The following C7orf25 variants were observed in gnomAD, a reference collection of about 807,000 sequenced individuals.
The protein encoded by C7orf25 is chromosome 7 open reading frame 25.
In C7orf25, 14 loss-of-function variants were observed where a neutral mutation model predicts 25.5. That is an observed-to-expected ratio of 0.55 (90% CI 0.36 to 0.86). The LOEUF (loss-of-function observed/expected upper bound fraction) is 0.86, where lower values mean the gene tolerates loss of function less well. C7orf25 is among the 40% of genes least tolerant of loss of function. The pLI is 0.01. For missense variants in C7orf25, 405 were observed against 493.9 expected (o/e 0.82, Z 1.71); for synonymous variants, 184 against 179.9 (o/e 1.02, Z -0.18).
In C7orf25 at chr7:42,910,670, T is replaced by G. The variant is rs771187057; in HGVS notation, c.231A>C (p.Glu77Asp). The change falls in exon 2 of 2, where the codon GAA becomes GAC. Residue 77 changes from glutamate to aspartate, a missense_variant. Transcript: ENST00000350427. ...CAACTTCTTCCAGGTTTTCTGCTGATTCCACAATGGCTCTCAGGTGTGTTA... is the reference window on the plus strand; with the variant it reads ...CAACTTCTTCCAGGTTTTCTGCTGAGTCCACAATGGCTCTCAGGTGTGTTA... ...TNLTHLRAIV[E>D]SAENLEEVVS... The G allele has an allele frequency of 6.3e-5, 102 of 1,614,056 alleles. No individual in the cohort carries two copies. Among genetic ancestry groups the G allele is most frequent in the Non-Finnish European group, 8.0e-5 (94 of 1,180,048 alleles).
chr7:42,909,351 T>C lies in C7orf25; in HGVS notation c.*284A>G. 6.1e-6 allele frequency: 2 copies of C among 329,782 alleles called. No homozygotes were observed. The highest frequency in any genetic ancestry group is 1.1e-5 in the Non-Finnish European group (2 of 181,852). The allele number at this position is 329,782 out of a possible 1,614,324, so 20.4% of individuals were successfully genotyped here. Reference sequence around the variant, plus strand: ...AATGTGGTTAGCAGTAGGGGAGTTGTAGCCCTATCGAATCAAAGTATTACA... The same window carrying C: ...AATGTGGTTAGCAGTAGGGGAGTTGCAGCCCTATCGAATCAAAGTATTACA... On this transcript the variant is annotated 3_prime_UTR_variant, in exon 2 of 2. Coordinates refer to ENST00000350427, the MANE Select transcript of C7orf25 (RefSeq NM_001099858.2).
chr7:42,911,798 G>A, intron 1 of C7orf25, 117 bp downstream of exon 1: 1 of 1,280,408 alleles, frequency 7.8e-7, no homozygotes, highest in Non-Finnish European at 9.9e-7. Context: ...TCAGGGACCA[G>A]GCGCTGATAG....
chr7:42,911,198 G>A lies in C7orf25; in HGVS notation c.-21-277C>T, dbSNP rs1178067038. The stretch of plus-strand genomic sequence containing the variant: ...CCATGGGGACACAGCATGGTCCTAG[G>A]TTAGGATACAATGCAAGAGTTGGGC... On this transcript the variant is annotated intron_variant, in intron 1 of 1. Transcript: ENST00000350427. 1.7e-5 allele frequency: 11 copies of A among 651,012 alleles called. No individual in the cohort carries two copies. The East Asian group carries it at 3.3e-4, about 20-fold the overall frequency. The allele number at this position is 651,012 out of a possible 1,614,324, so 40.3% of individuals were successfully genotyped here.
rs751787274 is a variant in C7orf25 at position 42,910,045 on chromosome 7, C to CT, written c.855dup (p.Glu286ArgfsTer20). Reference sequence around the variant, plus strand: ...GCCTCCAGCTGAGGTAGAACCTGCTCTTTCCTCTCTTGCTCTGCTTGTTCT... The same window carrying CT: ...GCCTCCAGCTGAGGTAGAACCTGCTCTTTTCCTCTCTTGCTCTGCTTGTTCT... On this transcript the variant is annotated frameshift_variant, in exon 2 of 2. Transcript: ENST00000350427. LOFTEE classifies it high-confidence loss of function. The CT allele has an allele frequency of 6.2e-7, 1 of 1,614,174 alleles. No homozygotes were observed. Among genetic ancestry groups the CT allele is most frequent in the Non-Finnish European group, 8.5e-7 (1 of 1,180,044 alleles).
At position 42,911,929 on chromosome 7, in the gene C7orf25, C is replaced by T; in HGVS notation, c.-36G>A. 6.8e-7 allele frequency: 1 copy of T among 1,481,128 alleles called. No individual in the cohort carries two copies. The highest frequency in any genetic ancestry group is 8.9e-7 in the Non-Finnish European group (1 of 1,124,126). The allele number at this position is 1,481,128 out of a possible 1,614,324, so 91.7% of individuals were successfully genotyped here. The stretch of plus-strand genomic sequence containing the variant: ...CGGCTCCTCACCGGCAGCGCCAGAA[C>T]CGCGAGCGCGAGCACGCAGGCGCGT... On this transcript the variant is annotated 5_prime_UTR_variant, in exon 1 of 2. Transcript: ENST00000350427.
At position 42,910,115 on chromosome 7, in the gene C7orf25, G is replaced by T; in HGVS notation, c.786C>A (p.Leu262=). The stretch of plus-strand genomic sequence containing the variant: ...AAATAAAGTGGCAGCCTCCATAGCT[G>T]AGGGCAGATACATATGTGATTAAAG... ...ITTLITYVSA[L]SYGGCHFIFK... The change falls in exon 2 of 2, where the codon CTC becomes CTA. Residue 262 remains leucine, a synonymous_variant. Transcript: ENST00000350427. 6.2e-7 allele frequency: 1 copy of T among 1,614,210 alleles called. No homozygotes were observed. The highest frequency in any genetic ancestry group is 8.5e-7 in the Non-Finnish European group (1 of 1,180,048).
intron 1 of C7orf25, 30 bp downstream of exon 1, chr7:42,911,885 G>A (rs762717993): frequency 7.1e-7 from 1 of 1,417,848 alleles, no homozygotes. Flanking sequence ...CCCGCTCCCA[G>A]CCTCCCCGCC....
rs1171601687 is a variant in C7orf25, at chr7:42,910,812, C to T, written c.89G>A (p.Gly30Asp). The T allele has an allele frequency of 2.5e-6, 4 of 1,614,218 alleles. No homozygotes were observed. The highest frequency in any genetic ancestry group is 2.5e-6 in the Non-Finnish European group (3 of 1,180,050). The change falls in exon 2 of 2, where the codon GGT becomes GAT. Residue 30 changes from glycine to aspartate, a missense_variant. Physicochemically the swap from Gly to Asp is moderately conservative, Grantham distance 94. Coordinates refer to ENST00000350427, the MANE Select transcript of C7orf25 (RefSeq NM_001099858.2). ...CAGCTTTGCACCACCTTCTATGCCA[C>T]CTTTTCTTGATCTAGAAAGTGATTC... is the stretch of plus-strand genomic sequence containing the variant. ...RAESLSRSRK[G>D]GIEGGAKLCS...
chr7:42,909,603 C>T lies in C7orf25; in HGVS notation c.*32G>A. The T allele has an allele frequency of 6.4e-7, 1 of 1,574,472 alleles. No homozygotes were observed. Among genetic ancestry groups the T allele is most frequent in the Non-Finnish European group, 8.6e-7 (1 of 1,162,718 alleles). On this transcript the variant is annotated 3_prime_UTR_variant, in exon 2 of 2. Transcript: ENST00000350427. ...AAGACCCAGCCTTTGGTATAAATAA[C>T]TTACTTCCACAAAAATATTTAAAGG... is the stretch of plus-strand genomic sequence containing the variant.
At chr7:42,911,115 G>T in intron 1 of C7orf25, 194 bp from the exon 2 acceptor site, 1 of 972,940 alleles carries the variant, frequency 1.0e-6, no homozygotes, top group Non-Finnish European at 1.6e-6. Context: ...CTACACTTTT[G>T]AACTCTTCTT....
At chr7:42,911,342 A>T in intron 1 of C7orf25, 1 of 1,159,286 alleles carries the variant, frequency 8.6e-7, no homozygotes, top group South Asian at 1.7e-5. Context: ...GCTAGTTAGC[A>T]AACTGTCCAA....
At chr7:42,911,707 C>T in intron 1 of C7orf25, 2 of 1,175,382 alleles carry the variant, frequency 1.7e-6, no homozygotes, top group Non-Finnish European at 2.1e-6. Context: ...GCGGGGCCCT[C>T]GGCCCTGCCC....
At chr7:42,911,701 G>A (rs915407225) in intron 1 of C7orf25, 2 of 1,167,474 alleles carry the variant, frequency 1.7e-6, no homozygotes, top group African/African-American at 1.6e-5. Context: ...TGGGCTGCGG[G>A]GCCCTCGGCC....
intron 1 of C7orf25, chr7:42,911,635 C>T: frequency 9.2e-7 from 1 of 1,088,634 alleles, no homozygotes. Context: ...GCCGTGCAAG[C>T]GGCCCCAGCG....
rs1397703858 is a variant in C7orf25, at chr7:42,909,544, A to G, written c.*91T>C. ...TTTAAGAGTTCTCAGTTTTACTTTT[A>G]CTATAGACCTTTTTTCCCACCAGTT... On this transcript the variant is annotated 3_prime_UTR_variant, in exon 2 of 2. Transcript: ENST00000350427. The G allele has an allele frequency of 7.3e-7, 1 of 1,374,480 alleles. No individual in the cohort carries two copies. Among genetic ancestry groups the G allele is most frequent in the African/African-American group, 1.5e-5 (1 of 68,442 alleles). 85.1% of individuals were successfully genotyped at this position (1,374,480 alleles called of 1,614,324 possible). A position where few individuals can be genotyped will look rare whatever the true frequency, so the allele number is the denominator to read the frequency against.
intron 1 of C7orf25, 67 bp from the exon 2 acceptor site, chr7:42,910,988 G>A (rs1206526003): frequency 6.3e-7 from 1 of 1,599,404 alleles, no homozygotes; most frequent in Admixed American, 1.7e-5. Context: ...CTTCACTGGT[G>A]ATTAAAAACT....
Position 42,910,207 on chromosome 7 carries a change from C to T in C7orf25, c.694G>A (p.Ala232Thr). Residue 232 changes from alanine to threonine, a missense_variant, in exon 2 of 2, where the codon GCA becomes ACA. Transcript: ENST00000350427. ...VTRVDRENIL[A>T]SVAFPTEIKV... ...ATTTCTGTTGGAAACGCAACACTTG[C>T]TAGTATATTTTCTCGGTCAACTCTG... 1 of 1,614,188 alleles carries T rather than the reference C, an allele frequency of 6.2e-7. No homozygotes were observed. Among genetic ancestry groups the T allele is most frequent in the Non-Finnish European group, 8.5e-7 (1 of 1,180,042 alleles).
At position 42,909,668 on chromosome 7, in the gene C7orf25, T is replaced by C. The variant is rs1785834394; in HGVS notation, c.1233A>G (p.Leu411=). The change falls in exon 2 of 2, where the codon TTA becomes TTG. Residue 411 remains leucine, a synonymous_variant. Transcript: ENST00000350427. Reference sequence around the variant, plus strand: ...CACTGTCAGTTGTGTAGTCTTTTGGTAAGGGGGTGGCTAGAGCCTCTTTAC... The same window carrying C: ...CACTGTCAGTTGTGTAGTCTTTTGGCAAGGGGGTGGCTAGAGCCTCTTTAC... ...TESKEALATP[L]PKDYTTDSEH 6.2e-7 allele frequency: 1 copy of C among 1,613,538 alleles called. No individual in the cohort carries two copies. Among genetic ancestry groups the C allele is most frequent in the Non-Finnish European group, 8.5e-7 (1 of 1,179,878 alleles).
At chr7:42,911,115 GAACTCTTC>G (rs1785884511) in intron 1 of C7orf25, 194 bp from the exon 2 acceptor site, 2 of 972,944 alleles carry the variant, frequency 2.1e-6, no homozygotes, top group African/African-American at 3.2e-5. Context: ...CTACACTTTT[GAACTCTTC>G]TTTAGGTACG....
Sources: allele counts gnomAD v4.1 joint callset, GRCh38; gene constraint gnomAD v4.1.1; transcripts MANE v1.5; gene names NCBI Gene and HGNC (gene_info 2026-07-23, HGNC 2026-07-21).